TBCD: variants seen among roughly 807,000 people sequenced by gnomAD.
TBCD encodes tubulin folding cofactor D.
A neutral mutation model predicts 169.3 loss-of-function variants in TBCD; 105 were observed. The ratio of observed to expected loss-of-function variants is 0.62; its 90% CI spans 0.53 to 0.73. The LOEUF (loss-of-function observed/expected upper bound fraction) is 0.73, where lower values mean the gene tolerates loss of function less well. Ranked by LOEUF, TBCD falls within the 30% of genes least tolerant of loss-of-function variation. TBCD has a pLI of 0.00. For missense variants in TBCD, 1,444 were observed against 1,600.1 expected, an observed-to-expected ratio of 0.90 and a Z score of 1.66; for synonymous variants, 700 against 643.9, an observed-to-expected ratio of 1.09 and a Z score of -1.32.
At position 82,831,309 on chromosome 17, in the gene TBCD, A is replaced by G. The variant is rs1337342769; in HGVS notation, c.1318+16375A>G. On this transcript the variant is annotated intron_variant, in intron 13 of 38. Coordinates refer to ENST00000355528, the MANE Select transcript of TBCD (RefSeq NM_005993.5). The surrounding 1 kb of genome is among the most constrained non-coding windows in gnomAD (Gnocchi z 4.6). ...CAGCCTTGGAGGAGTCTTTAGCCTC[A>G]GGAATTGGACTTTCGAACTCGACGT... The G allele has an allele frequency of 1.9e-6, 3 of 1,613,854 alleles. No individual in the cohort carries two copies. The African/African-American group carries it at 4.0e-5, about 22-fold the overall frequency.
At chr17:82,790,866 A>G (rs1250155450) in intron 7 of TBCD, among the ~76,000 whole-genome samples, 1 of 152,050 alleles carries the variant, frequency 6.6e-6, no homozygotes, top group Non-Finnish European at 1.5e-5. Context: ...AGAGAAGCTC[A>G]GACCCCTCTC....
chr17:82,828,947 A>C, intron 13 of TBCD, among the ~76,000 whole-genome samples: 1 of 130,152 alleles, frequency 7.7e-6, no homozygotes, highest in African/African-American at 2.9e-5. Flanking sequence ...CATGCCCCCC[A>C]CGGATATGCA....
At chr17:82,941,339 G>A (rs960877868) in intron 37 of TBCD, 60 bp from the exon 38 acceptor site, 21 of 1,458,518 alleles carry the variant, frequency 1.4e-5, no homozygotes, top group South Asian at 4.9e-5. Context: ...CGGGACCTCC[G>A]CACACCTGAG....
chr17:82,826,206 C>T (rs955910725), intron 13 of TBCD, among the ~76,000 whole-genome samples: 1 of 151,672 alleles, frequency 6.6e-6, no homozygotes, highest in Non-Finnish European at 1.5e-5. Flanking sequence ...TTTATTTTTT[C>T]CACAGGTGTT....
chr17:82,815,099 C>T (rs2051764524), intron 13 of TBCD, among the ~76,000 whole-genome samples, 165 bp downstream of exon 13: 1 of 152,222 alleles, frequency 6.6e-6, no homozygotes, highest in Non-Finnish European at 1.5e-5. Context: ...CTGAACCCAT[C>T]TCCGCGGTGT....
At chr17:82,895,628 G>A (rs1005073783) in intron 17 of TBCD, among the ~76,000 whole-genome samples, 59 of 152,290 alleles carry the variant, frequency 3.9e-4, no homozygotes, top group African/African-American at 1.4e-3. Flanking sequence ...CTGGAGGTGT[G>A]CCCGCTGGAG....
chr17:82,784,321 T>C (rs981326390), intron 7 of TBCD, among the ~76,000 whole-genome samples: 9 of 152,186 alleles, frequency 5.9e-5, no homozygotes, highest in South Asian at 2.1e-4. Flanking sequence ...TTTTTGGGCA[T>C]TGCAGGTACA....
chr17:82,899,897 G>T (rs2059772120), intron 17 of TBCD, among the ~76,000 whole-genome samples: 2 of 152,060 alleles, frequency 1.3e-5, no homozygotes, highest in South Asian at 4.2e-4. Context: ...GTGTTTATTG[G>T]CCTTTTATTT....
At chr17:82,859,860 C>T (rs1410416047) in intron 13 of TBCD, 3 of 985,312 alleles carry the variant, frequency 3.0e-6, no homozygotes, top group Non-Finnish European at 3.6e-6. Context: ...AGAAAGAAAA[C>T]CCTTGAGATA....
rs1190626819 is a variant in TBCD, at chr17:82,930,911, A to C, written c.3113+268A>C. Among the ~76,000 whole-genome samples, 2 of 152,238 alleles carry C rather than the reference A, an allele frequency of 1.3e-5. No individual in the cohort carries two copies. The highest frequency in any genetic ancestry group is 4.8e-5 in the African/African-American group (2 of 41,464). The stretch of plus-strand genomic sequence containing the variant: ...TTGTGTGTACAATGGACGTAAAGGT[A>C]GTATGAGTACAAGGTGGTCCCTGTG... On this transcript the variant is annotated intron_variant, in intron 33 of 38. Coordinates refer to ENST00000355528, the MANE Select transcript of TBCD (RefSeq NM_005993.5). The surrounding 1 kb of genome is among the most constrained non-coding windows in gnomAD (Gnocchi z 5.2).
intron 3 of TBCD, among the ~76,000 whole-genome samples, chr17:82,764,667 T>C (rs1252373786): frequency 6.6e-6 from 1 of 152,250 alleles, no homozygotes; most frequent in Non-Finnish European, 1.5e-5. Context: ...TCTCACACTT[T>C]AATGTGCAGA....
At chr17:82,754,930 C>T (rs909984593) in intron 1 of TBCD, among the ~76,000 whole-genome samples, 4 of 152,174 alleles carry the variant, frequency 2.6e-5, no homozygotes, top group Admixed American at 2.0e-4. Context: ...GTATCTGAGA[C>T]GAGTCTCAAT....
At position 82,883,985 on chromosome 17, in the gene TBCD, G is replaced by C. The variant is rs566419030; in HGVS notation, c.1476-160G>C. On this transcript the variant is annotated intron_variant, in intron 14 of 38. Coordinates refer to ENST00000355528, the MANE Select transcript of TBCD (RefSeq NM_005993.5). ...GGTGTCTTGGGGGTCACATGTGTCT[G>C]TCTGCAGTCCCTGGGTGCCTCAAGC... is the stretch of plus-strand genomic sequence containing the variant. 8.5e-5 allele frequency among the ~76,000 whole-genome samples: 13 copies of C among 152,314 alleles called. No homozygotes were observed. The East Asian group carries it at 2.3e-3, about 27-fold the overall frequency.
In TBCD at chr17:82,781,701, G is replaced by A. The variant is rs1290088207; in HGVS notation, c.751G>A (p.Asp251Asn). Residue 251 changes from aspartate (D) to asparagine (N), a missense_variant, in exon 7 of 39, where the codon GAT becomes AAT. Transcript: ENST00000355528. ...FQTMQGVITM[D>N]GTLQALAQIF... ...GACCATGCAGGGGGTCATCACCATG[G>A]ATGGGACGCTGCAGGCCCTGGTAAG... 6.2e-6 allele frequency: 10 copies of A among 1,613,692 alleles called. No homozygotes were observed. In the Admixed American group the frequency reaches 1.7e-4, roughly 27 times the overall value.
At position 82,889,807 on chromosome 17, in the gene TBCD, G is replaced by GCCACA; in HGVS notation, c.1563+111_1563+112insCACAC. On this transcript the variant is annotated intron_variant, in intron 16 of 38. Coordinates refer to ENST00000355528, the MANE Select transcript of TBCD (RefSeq NM_005993.5). This position sits in a 1 kb window ranked among gnomAD's most constrained non-coding sequence, Gnocchi z 5.3. Reference sequence around the variant, plus strand: ...TTCTCGCACTGTGAGATGTGGTGTGGCTACATCAATGCCAGGGTCATGAGT... The same window carrying GCCACA: ...TTCTCGCACTGTGAGATGTGGTGTGGCCACACTACATCAATGCCAGGGTCATGAGT... The GCCACA allele has an allele frequency of 1.6e-6, 2 of 1,283,448 alleles. No individual in the cohort carries two copies. Among genetic ancestry groups the GCCACA allele is most frequent in the Non-Finnish European group, 2.2e-6 (2 of 913,252 alleles). The allele number at this position is 1,283,448 out of a possible 1,614,324, so 79.5% of individuals were successfully genotyped here.
chr17:82,844,401 C>T (rs889402177), intron 13 of TBCD, among the ~76,000 whole-genome samples: 1 of 152,106 alleles, frequency 6.6e-6, no homozygotes, highest in Non-Finnish European at 1.5e-5. Context: ...TCCAGGGCCT[C>T]TGCTGAGCAC....
At chr17:82,754,795 C>T (rs975807199) in intron 1 of TBCD, among the ~76,000 whole-genome samples, 15 of 152,160 alleles carry the variant, frequency 9.9e-5, no homozygotes, top group Non-Finnish European at 2.9e-5. Context: ...GTGGGAGCTG[C>T]CGGATTGGAC....
chr17:82,772,602 A>G, intron 6 of TBCD, 95 bp downstream of exon 6: 1 of 1,321,730 alleles, frequency 7.6e-7, no homozygotes, highest in South Asian at 1.2e-5. Flanking sequence ...CAGTCCTCAG[A>G]CGAAGGACCC....
At chr17:82,845,444 C>T (rs1227307571) in intron 13 of TBCD, among the ~76,000 whole-genome samples, 3 of 150,830 alleles carry the variant, frequency 2.0e-5, no homozygotes, top group Non-Finnish European at 4.4e-5. Context: ...CCGGCCCCTT[C>T]CTCTCCATCT....
Sources: gnomAD v4.1 joint callset for allele counts (sites outside exome capture counted in the v4.1 genomes callset) on GRCh38, gnomAD v4.1.1 for gene constraint, Gnocchi (gnomAD v3.1) non-coding constraint, MANE v1.5 for transcripts, NCBI Gene and HGNC (gene_info 2026-07-23, HGNC 2026-07-21) for gene names.